Variants in TBC1D5 observed in about 807,000 individuals in gnomAD.
TBC1D5 encodes the protein TBC1 domain family, member 5.
In TBC1D5, 75 loss-of-function variants were observed where a neutral mutation model predicts 100.3. The ratio of observed to expected loss-of-function variants is 0.75; its 90% CI spans 0.62 to 0.91. TBC1D5 has a LOEUF of 0.91. Ranked by LOEUF, TBC1D5 falls within the 40% of genes least tolerant of loss-of-function variation. The pLI, the probability that TBC1D5 is intolerant of heterozygous loss-of-function variation, is 0.00. For missense variants in TBC1D5, 910 were observed against 942.4 expected (o/e 0.97, Z 0.45); for synonymous variants, 323 against 325.6 (o/e 0.99, Z 0.09).
chr3:17,692,971 A>T (rs959877530), intron 1 of TBC1D5, among the ~76,000 whole-genome samples: 2 of 152,226 alleles, frequency 1.3e-5, no homozygotes, highest in African/African-American at 4.8e-5. Flanking sequence ...CTCTACAAAA[A>T]ATACAAACAT....
At chr3:17,315,930 T>C (rs760295311) in intron 13 of TBC1D5, among the ~76,000 whole-genome samples, 1 of 152,094 alleles carries the variant, frequency 6.6e-6, no homozygotes, top group Non-Finnish European at 1.5e-5. Flanking sequence ...GGGTACCATA[T>C]ATGATTGATT....
At chr3:17,656,828 AATAT>A (rs10579239) in intron 1 of TBC1D5, among the ~76,000 whole-genome samples, 1 of 151,340 alleles carries the variant, frequency 6.6e-6, no homozygotes, top group Non-Finnish European at 1.5e-5. Flanking sequence ...CATACAGATG[AATAT>A]ATATATATAT....
intron 4 of TBC1D5, among the ~76,000 whole-genome samples, chr3:17,422,318 A>G (rs558232832): frequency 6.6e-5 from 10 of 151,214 alleles, no homozygotes; most frequent in South Asian, 4.2e-4. Context: ...ACAGGTGTGT[A>G]CCACCACACT....
intron 4 of TBC1D5, among the ~76,000 whole-genome samples, chr3:17,411,015 A>G (rs1240181620): frequency 6.6e-6 from 1 of 152,154 alleles, no homozygotes. Flanking sequence ...TGCTACAGAG[A>G]AATCTTTATT....
intron 18 of TBC1D5, among the ~76,000 whole-genome samples, chr3:17,199,661 G>C (rs1559395083): frequency 6.6e-6 from 1 of 152,154 alleles, no homozygotes; most frequent in South Asian, 2.1e-4. Flanking sequence ...GTATATATAT[G>C]TACTGAAGGG....
chr3:17,593,790 G>A (rs962163768), intron 2 of TBC1D5, among the ~76,000 whole-genome samples: 2 of 152,180 alleles, frequency 1.3e-5, no homozygotes, highest in African/African-American at 4.8e-5. Flanking sequence ...ATAGAACAGT[G>A]GAATGGCCTT....
intron 13 of TBC1D5, among the ~76,000 whole-genome samples, chr3:17,336,393 AT>A (rs2087805402): frequency 6.6e-6 from 1 of 152,070 alleles, no homozygotes; most frequent in Admixed American, 6.6e-5. Flanking sequence ...ACTAAACGGT[AT>A]CTTACATATA....
At chr3:17,495,924 T>C (rs1407100547) in intron 3 of TBC1D5, among the ~76,000 whole-genome samples, 1 of 152,244 alleles carries the variant, frequency 6.6e-6, no homozygotes, top group Non-Finnish European at 1.5e-5. Flanking sequence ...AGGATGTATG[T>C]TCCCCTTCTT....
In TBC1D5 at chr3:17,692,397, T is replaced by A. The variant is rs528086768; in HGVS notation, c.-101+46946A>T. Among the ~76,000 whole-genome samples the A allele has an allele frequency of 4.9e-4, 75 of 152,296 alleles. 2 individuals carry two copies. The South Asian group carries it at 0.011, about 23-fold the overall frequency. On this transcript the variant is annotated intron_variant, in intron 1 of 21. Transcript: ENST00000253692. ...ATGAGTCACCACACCCAGCCTAAAA[T>A]TTTTAATTCAGTGTAAAAGTGCAAG...
rs537373177 is a variant in TBC1D5, at chr3:17,382,696, G to T, written c.612+1217C>A. Among the ~76,000 whole-genome samples, 10 of 151,912 alleles carry T rather than the reference G, an allele frequency of 6.6e-5. No individual in the cohort carries two copies. The East Asian group carries it at 1.9e-3, about 30-fold the overall frequency. On this transcript the variant is annotated intron_variant, in intron 9 of 21. Transcript: ENST00000253692. ...CCACTTCAGTCTCCCAAGTAGCTGA[G>T]ACTATACGTGTGCACCACCATGCCC... is the stretch of plus-strand genomic sequence containing the variant.
At chr3:17,687,323 TCA>T (rs1245791837) in intron 1 of TBC1D5, among the ~76,000 whole-genome samples, 3 of 152,122 alleles carry the variant, frequency 2.0e-5, no homozygotes, top group Non-Finnish European at 4.4e-5. Flanking sequence ...ACATGGTGGC[TCA>T]CACCTGTAAT....
intron 2 of TBC1D5, among the ~76,000 whole-genome samples, chr3:17,544,650 G>GA (rs11294217): frequency 0.01 from 891 of 86,072 alleles, 3 homozygotes; most frequent in Middle Eastern, 0.043. Flanking sequence ...GACTCCGTCT[G>GA]AAAAAAAAAA....
intron 2 of TBC1D5, among the ~76,000 whole-genome samples, chr3:17,615,693 T>G (rs1005307379): frequency 3.9e-5 from 6 of 152,242 alleles, no homozygotes; most frequent in Non-Finnish European, 5.9e-5. Context: ...TATAGTATTC[T>G]CTGATGGTAG....
chr3:17,683,708 C>T (rs1048802578), intron 1 of TBC1D5, among the ~76,000 whole-genome samples: 1 of 152,140 alleles, frequency 6.6e-6, no homozygotes, highest in Non-Finnish European at 1.5e-5. Context: ...CCACTTTCAG[C>T]TGTGTGGCAA....
At chr3:17,362,454 G>A (rs1456102323) in intron 13 of TBC1D5, among the ~76,000 whole-genome samples, 1 of 151,884 alleles carries the variant, frequency 6.6e-6, no homozygotes, top group Non-Finnish European at 1.5e-5. Flanking sequence ...TATTCAAAAA[G>A]GGCAAAAGAT....
intron 13 of TBC1D5, among the ~76,000 whole-genome samples, chr3:17,335,849 T>C (rs2087679052): frequency 6.6e-6 from 1 of 152,130 alleles, no homozygotes; most frequent in South Asian, 2.1e-4. Context: ...CTGGAGGTCT[T>C]ATGTTGGCAC....
At chr3:17,309,814 T>C (rs1172821669) in intron 13 of TBC1D5, among the ~76,000 whole-genome samples, 1 of 152,094 alleles carries the variant, frequency 6.6e-6, no homozygotes, top group Non-Finnish European at 1.5e-5. Flanking sequence ...AGCAAAAAAG[T>C]ACATGAACTA....
At chr3:17,201,570 A>G in intron 18 of TBC1D5, among the ~76,000 whole-genome samples, 1 of 152,176 alleles carries the variant, frequency 6.6e-6, no homozygotes, top group East Asian at 1.9e-4. Flanking sequence ...CCCAAATCTC[A>G]TCTTGAACTG....
At chr3:17,277,187 C>T (rs1016712062) in intron 15 of TBC1D5, among the ~76,000 whole-genome samples, 2 of 152,168 alleles carry the variant, frequency 1.3e-5, no homozygotes, top group African/African-American at 4.8e-5. Context: ...AGAAAAGTTG[C>T]TCAAGGTGAG....
Sources: gnomAD v4.1 joint callset for allele counts (sites outside exome capture counted in the v4.1 genomes callset) on GRCh38, gnomAD v4.1.1 for gene constraint, MANE v1.5 for transcripts, NCBI Gene and HGNC (gene_info 2026-07-23, HGNC 2026-07-21) for gene names.